PCNT: variants seen among roughly 807,000 people sequenced by gnomAD.
PCNT encodes pericentrin.
A neutral mutation model predicts 380.4 loss-of-function variants in PCNT; 319 were observed. The observed-to-expected ratio is 0.84, with a 90% CI of 0.77 to 0.92. PCNT has a LOEUF of 0.92. Among genes scored for constraint, PCNT ranks in the 40% least tolerant of loss-of-function variants. The probability of loss-of-function intolerance (pLI) is 0.00; values close to 1 mark genes in which losing one functional copy is unlikely to be tolerated. For missense variants in PCNT, 4,400 were observed against 4,255.3 expected (o/e 1.03, Z -0.95); for synonymous variants, 1,845 against 1,735.2 (o/e 1.06, Z -1.57).
intron 33 of PCNT, 115 bp downstream of exon 33, chr21:46,426,086 T>TTC: frequency 9.2e-7 from 1 of 1,085,652 alleles, no homozygotes; most frequent in Non-Finnish European, 1.2e-6. Flanking sequence ...TTTTTTTTTT[T>TTC]TTTTTTTTTT....
rs978755217 is a variant in PCNT, at chr21:46,324,370, GGACGC to G, written c.54+90_54+94del. 1.8e-5 allele frequency: 21 copies of G among 1,174,056 alleles called. No homozygotes were observed. The Admixed American group carries it at 4.1e-4, about 23-fold the overall frequency. 72.7% of individuals were successfully genotyped at this position (1,174,056 alleles called of 1,614,324 possible). A position where few individuals can be genotyped will look rare whatever the true frequency, so the allele number is the denominator to read the frequency against. On this transcript the variant is annotated intron_variant, in intron 1 of 46. Transcript: ENST00000359568. ...CCCGCCACCGCCCCCTGCCAGGAGA[GGACGC>G]GGTCCGGCGGAAGCCGCCGCGGAGG... is the stretch of plus-strand genomic sequence containing the variant.
At chr21:46,381,094 G>A (rs939417132) in intron 15 of PCNT, among the ~76,000 whole-genome samples, 3 of 150,776 alleles carry the variant, frequency 2.0e-5, no homozygotes, top group Non-Finnish European at 4.4e-5. Context: ...AGAGAATCCC[G>A]TGAACCTGGG....
rs754535688 is a variant in PCNT, at chr21:46,411,289, T to C, written c.5216T>C (p.Ile1739Thr). Residue 1739 changes from isoleucine to threonine, a missense_variant, in exon 28 of 47, where the codon ATT becomes ACT. Transcript: ENST00000359568. ...KRLQKEKAEE[I>T]EQLHEVIEKL... Reference sequence around the variant, plus strand: ...TTACAAAAGGAGAAAGCAGAGGAAATTGAACAACTCCATGAAGTCATTGAG... The same window carrying C: ...TTACAAAAGGAGAAAGCAGAGGAAACTGAACAACTCCATGAAGTCATTGAG... The C allele has an allele frequency of 6.2e-6, 10 of 1,614,128 alleles. No homozygotes were observed. The highest frequency in any genetic ancestry group is 8.5e-6 in the Non-Finnish European group (10 of 1,180,004).
chr21:46,334,420 G>A lies in PCNT; in HGVS notation c.291G>A (p.Lys97=). ...AAQPEDCDGE[K]REDLEQLQQK... is the part of the protein sequence containing the mutation. ...AGCCGGAGGACTGTGATGGAGAGAA[G>A]AGAGAGGACTTGGAACAGCTGCAGC... The change falls in exon 3 of 47, where the codon AAG becomes AAA. Residue 97 remains lysine (K), a synonymous_variant. Coordinates refer to ENST00000359568, the MANE Select transcript of PCNT (RefSeq NM_006031.6). The A allele has an allele frequency of 6.2e-7, 1 of 1,614,230 alleles. No individual in the cohort carries two copies. Among genetic ancestry groups the A allele is most frequent in the Non-Finnish European group, 8.5e-7 (1 of 1,180,034 alleles).
At chr21:46,350,649 T>C (rs1056546007) in intron 8 of PCNT, among the ~76,000 whole-genome samples, 2 of 152,162 alleles carry the variant, frequency 1.3e-5, no homozygotes, top group East Asian at 1.9e-4. Flanking sequence ...TCTAGGGTCT[T>C]AGGGAGGCCT....
At chr21:46,371,197 G>T (rs1287269431) in intron 15 of PCNT, among the ~76,000 whole-genome samples, 1 of 149,872 alleles carries the variant, frequency 6.7e-6, no homozygotes, top group African/African-American at 2.4e-5. Context: ...ACACAGTATG[G>T]TTTATTTTCT....
At chr21:46,370,967 G>A (rs373668334) in intron 15 of PCNT, among the ~76,000 whole-genome samples, 3 of 152,218 alleles carry the variant, frequency 2.0e-5, no homozygotes, top group East Asian at 1.9e-4. Flanking sequence ...CCCGGGAGGC[G>A]GAGGTTGTGG....
intron 4 of PCNT, among the ~76,000 whole-genome samples, 193 bp downstream of exon 4, chr21:46,346,401 C>A (rs2084069118): frequency 1.3e-5 from 2 of 152,130 alleles, no homozygotes; most frequent in Admixed American, 1.3e-4. Context: ...GGTCAGGGGG[C>A]TTGGTCAGGT....
chr21:46,439,287 G>A (rs914373607), intron 41 of PCNT, among the ~76,000 whole-genome samples: 3 of 152,142 alleles, frequency 2.0e-5, no homozygotes, highest in Non-Finnish European at 2.9e-5. Context: ...CCAGAAAGGT[G>A]TGTCAGTGGA....
At chr21:46,401,968 G>A (rs532714392) in intron 26 of PCNT, among the ~76,000 whole-genome samples, 5 of 152,098 alleles carry the variant, frequency 3.3e-5, no homozygotes, top group Non-Finnish European at 5.9e-5. Flanking sequence ...CTCCTGCCTC[G>A]GCCTCCCGAG....
chr21:46,435,308 C>G (rs916563663), intron 38 of PCNT, among the ~76,000 whole-genome samples: 2 of 152,102 alleles, frequency 1.3e-5, no homozygotes. Context: ...TCACTGTAAC[C>G]TCTACCTTCT....
Position 46,346,045 on chromosome 21 carries a change from G to A in PCNT, c.640-83G>A. 12 of 1,322,762 alleles carry A rather than the reference G, an allele frequency of 9.1e-6. No individual in the cohort carries two copies. The South Asian group carries it at 1.2e-4, about 13-fold the overall frequency. 81.9% of individuals were successfully genotyped at this position (1,322,762 alleles called of 1,614,324 possible). Reference sequence around the variant, plus strand: ...ACAGCTGCGAACGGGGTTTTGTGAGGACGTGCGTCGTCAGTTCTTGAGCAC... The same window carrying A: ...ACAGCTGCGAACGGGGTTTTGTGAGAACGTGCGTCGTCAGTTCTTGAGCAC... On this transcript the variant is annotated intron_variant, in intron 3 of 46. Coordinates refer to ENST00000359568, the MANE Select transcript of PCNT (RefSeq NM_006031.6).
At chr21:46,327,026 C>T (rs955247880) in intron 2 of PCNT, among the ~76,000 whole-genome samples, 9 of 148,944 alleles carry the variant, frequency 6.0e-5, no homozygotes, top group African/African-American at 2.2e-4. Flanking sequence ...AAAAAAAAAA[C>T]AGTGAGTAAA....
At chr21:46,443,096 C>T (rs1333124469) in intron 44 of PCNT, 3 of 181,920 alleles carry the variant, frequency 1.6e-5, no homozygotes, top group Non-Finnish European at 3.5e-5. Context: ...GCCCCTCCCA[C>T]GCAGCACAGA....
In PCNT at chr21:46,398,085, C is replaced by T. The variant is rs954455553; in HGVS notation, c.4518C>T (p.Leu1506=). 7.5e-6 allele frequency: 12 copies of T among 1,596,914 alleles called. No individual in the cohort carries two copies. Among genetic ancestry groups the T allele is most frequent in the Non-Finnish European group, 1.0e-5 (12 of 1,173,114 alleles). ...AGATTCAGAGGCTGGAGGGGCAGCT[C>T]CGCCAGGCGGCCAAGCCGCAGCCCT... ...QQEIQRLEGQ[L]RQAAKPQPWG... Residue 1506 remains leucine, a synonymous_variant, in exon 23 of 47, where the codon CTC becomes CTT. Coordinates refer to ENST00000359568, the MANE Select transcript of PCNT (RefSeq NM_006031.6).
At position 46,353,345 on chromosome 21, in the gene PCNT, G is replaced by C. The variant is rs1193806174; in HGVS notation, c.1679+19G>C. On this transcript the variant is annotated intron_variant, in intron 10 of 46. Transcript: ENST00000359568. ...AAGTTGGGTAAGCAAAGCAGTTCCA[G>C]CCTCAGTGAGTTTCTGCCATACAGG... 1.2e-6 allele frequency: 2 copies of C among 1,601,160 alleles called. No individual in the cohort carries two copies. The highest frequency in any genetic ancestry group is 2.2e-5 in the South Asian group (2 of 90,834).
Position 46,416,732 on chromosome 21 carries a change from C to T in PCNT, c.6814C>T (p.Gln2272Ter), listed in dbSNP as rs1170093958. 1.3e-6 allele frequency: 2 copies of T among 1,591,840 alleles called. No homozygotes were observed. Among genetic ancestry groups the T allele is most frequent in the East Asian group, 2.2e-5 (1 of 44,576 alleles). ...DRADTSLPQT[Q>*]GPGLLCSPGV... Reference sequence around the variant, plus strand: ...GGCGGACACCTCGCTGCCACAGACCCAGGGGCCGGGGCTGCTTTGTTCCCC... The same window carrying T: ...GGCGGACACCTCGCTGCCACAGACCTAGGGGCCGGGGCTGCTTTGTTCCCC... The change falls in exon 30 of 47, where the codon CAG (glutamine) becomes TAG (stop). Residue 2272 changes from glutamine (Q) to a stop codon, truncating the protein, a stop_gained. Coordinates refer to ENST00000359568, the MANE Select transcript of PCNT (RefSeq NM_006031.6). LOFTEE classifies it high-confidence loss of function.
In PCNT at chr21:46,356,758, C is replaced by A. The variant is rs111644286; in HGVS notation, c.1937-216C>A. Among the ~76,000 whole-genome samples the A allele has an allele frequency of 1.1e-4, 17 of 152,312 alleles. No individual in the cohort carries two copies. In the South Asian group the frequency reaches 3.1e-3, roughly 28 times the overall value. On this transcript the variant is annotated intron_variant, in intron 12 of 46. Transcript: ENST00000359568. ...CCCAGGACATCCCTGTGACTCGGGA[C>A]GGCACTGTGCTGGGGCAGCATGGAG...
chr21:46,399,900 G>A, intron 25 of PCNT, 104 bp downstream of exon 25: 1 of 943,180 alleles, frequency 1.1e-6, no homozygotes, highest in Admixed American at 1.7e-5. Flanking sequence ...TTCTTCACTG[G>A]CAGCCACCAC....
Sources: allele counts gnomAD v4.1 joint callset (sites outside exome capture counted in the v4.1 genomes callset), GRCh38; gene constraint gnomAD v4.1.1; transcripts MANE v1.5; gene names NCBI Gene and HGNC (gene_info 2026-07-23, HGNC 2026-07-21).